Variants in LDHAL6A observed in about 807,000 individuals in gnomAD.
LDHAL6A encodes L-lactate dehydrogenase A-like 6A.
LDHAL6A carries 19 observed loss-of-function variants against 28.2 expected under a neutral mutation model. The ratio of observed to expected loss-of-function variants is 0.67; its 90% CI spans 0.47 to 0.99. The LOEUF is 0.99. Ranked by LOEUF, LDHAL6A falls within the 50% of genes least tolerant of loss-of-function variation. The pLI, the probability that LDHAL6A is intolerant of heterozygous loss-of-function variation, is 0.00. For missense variants in LDHAL6A, 372 were observed against 398.6 expected (o/e 0.93, Z 0.57); for synonymous variants, 144 against 134.4 (o/e 1.07, Z -0.49).
Position 18,456,451 on chromosome 11 carries a change from TCTC to T in LDHAL6A, c.-227_-225del. 3.9e-6 allele frequency: 2 copies of T among 509,542 alleles called. No homozygotes were observed. Among genetic ancestry groups the T allele is most frequent in the Non-Finnish European group, 7.0e-6 (2 of 287,630 alleles). 31.6% of individuals were successfully genotyped at this position (509,542 alleles called of 1,614,324 possible). On this transcript the variant is annotated 5_prime_UTR_variant, in exon 1 of 7. Transcript: ENST00000280706. ...CCTCTTAACTGTACTCACGCTTCCT[TCTC>T]CTTCCCCTGGTCCGCTTCATGGATG... is the stretch of plus-strand genomic sequence containing the variant.
intron 1 of LDHAL6A, among the ~76,000 whole-genome samples, chr11:18,462,949 T>G (rs1184217660): frequency 1.2e-5 from 1 of 82,194 alleles, no homozygotes; most frequent in African/African-American, 4.3e-5. Context: ...TTCTTGTATT[T>G]CTAGTGTTTT....
rs138519602 is a variant in LDHAL6A, at chr11:18,459,398, C to T, written c.126+2592C>T. 2.0e-5 allele frequency among the ~76,000 whole-genome samples: 3 copies of T among 152,290 alleles called. No individual in the cohort carries two copies. In the East Asian group the frequency reaches 5.8e-4, roughly 29 times the overall value. On this transcript the variant is annotated intron_variant, in intron 1 of 6. Transcript: ENST00000280706. ...CTACACCAGTGGTTTGCCAGGGACT[C>T]TCGGGCCTTTGGCTACAGACTGAAG...
chr11:18,459,342 T>TC (rs1848838132), intron 1 of LDHAL6A, among the ~76,000 whole-genome samples: 1 of 151,974 alleles, frequency 6.6e-6, no homozygotes, highest in South Asian at 2.1e-4. Flanking sequence ...AACATCAGAC[T>TC]CCAAGTTCTT....
At chr11:18,466,215 G>A (rs1198259961) in intron 3 of LDHAL6A, among the ~76,000 whole-genome samples, 2 of 152,084 alleles carry the variant, frequency 1.3e-5, no homozygotes, top group South Asian at 2.1e-4. Flanking sequence ...TTTTGGGGGT[G>A]GGTTTAGTAA....
At chr11:18,474,112 C>G (rs1374641305) in intron 3 of LDHAL6A, among the ~76,000 whole-genome samples, 1 of 152,052 alleles carries the variant, frequency 6.6e-6, no homozygotes. Flanking sequence ...CGGAGTCTTG[C>G]TCTGTCGCCC....
intron 5 of LDHAL6A, chr11:18,476,730 G>A (rs1483455725): frequency 2.3e-6 from 1 of 433,512 alleles, no homozygotes; most frequent in Middle Eastern, 1.2e-3. Flanking sequence ...CACATGGTAG[G>A]GGCTCACTTG....
intron 3 of LDHAL6A, chr11:18,475,179 G>T (rs370119402): frequency 3.9e-6 from 1 of 258,320 alleles, no homozygotes; most frequent in African/African-American, 2.2e-5. Context: ...TTATTTGAAA[G>T]ACTTGATAAG....
In LDHAL6A at chr11:18,477,734, C is replaced by T. The variant is rs762156329; in HGVS notation, c.825C>T (p.Thr275=). 1.4e-5 allele frequency: 23 copies of T among 1,603,604 alleles called. No individual in the cohort carries two copies. The highest frequency in any genetic ancestry group is 2.0e-5 in the Non-Finnish European group (23 of 1,176,414). The part of the protein sequence containing the change: ...KNLRRVHPVS[T]LSKGLYGINE... ...TTAGGAGAGTGCATCCAGTTTCTAC[C>T]CTAAGTAAGGTAGGACATTCATGTT... The change falls in exon 6 of 7, where the codon ACC becomes ACT. Residue 275 remains threonine (T), a synonymous_variant. Coordinates refer to ENST00000280706, the MANE Select transcript of LDHAL6A (RefSeq NM_144972.5).
chr11:18,459,565 G>A (rs1191696840), intron 1 of LDHAL6A, among the ~76,000 whole-genome samples: 5 of 151,980 alleles, frequency 3.3e-5, no homozygotes, highest in African/African-American at 9.7e-5. Context: ...CTTTCATATC[G>A]ACATCTATCC....
At chr11:18,465,856 C>T (rs752935219) in intron 3 of LDHAL6A, 46 bp downstream of exon 3, 10 of 1,478,250 alleles carry the variant, frequency 6.8e-6, no homozygotes, top group Admixed American at 5.2e-5. Flanking sequence ...TTCGGGGGTA[C>T]ACTGTGTAGG....
At chr11:18,469,463 A>G (rs953791251) in intron 3 of LDHAL6A, among the ~76,000 whole-genome samples, 10 of 152,354 alleles carry the variant, frequency 6.6e-5, no homozygotes, top group African/African-American at 2.4e-4. Flanking sequence ...GCAGAAGTCT[A>G]TTAAAGAATA....
In LDHAL6A at chr11:18,467,900, T is replaced by C. The variant is rs182913674; in HGVS notation, c.418+2090T>C. ...ACACACATATATATATATATATATA[T>C]ATATATATATATATATATACACACA... On this transcript the variant is annotated intron_variant, in intron 3 of 6. Transcript: ENST00000280706. 7.1e-3 allele frequency among the ~76,000 whole-genome samples: 486 copies of C among 68,930 alleles called. 41 individuals are homozygous for C. The highest frequency in any genetic ancestry group is 0.035 in the African/African-American group (428 of 12,138). The allele number at this position is 68,930 out of a possible 152,430, so 45.2% of individuals were successfully genotyped here.
In LDHAL6A at chr11:18,465,644, G is replaced by A. The variant is rs775469737; in HGVS notation, c.252G>A (p.Leu84=). 2 of 1,611,538 alleles carry A rather than the reference G, an allele frequency of 1.2e-6. No homozygotes were observed. The highest frequency in any genetic ancestry group is 2.2e-5 in the East Asian group (1 of 44,864). ...MPNIVSSKDY[L]VTANSNLVII... ...ATTCTAATCTTTCCTCAGATTACCT[G>A]GTCACTGCAAACTCCAATCTAGTGA... Residue 84 remains leucine, a synonymous_variant, in exon 3 of 7, where the codon CTG becomes CTA. Transcript: ENST00000280706.
At chr11:18,468,030 T>C (rs28769365) in intron 3 of LDHAL6A, among the ~76,000 whole-genome samples, 3 of 42,250 alleles carry the variant, frequency 7.1e-5, no homozygotes, top group Non-Finnish European at 9.0e-5. Flanking sequence ...TATACGTATA[T>C]ATATATACAT....
intron 1 of LDHAL6A, among the ~76,000 whole-genome samples, chr11:18,458,786 T>TGC (rs10669642): frequency 1.2e-3 from 74 of 62,882 alleles, no homozygotes; most frequent in African/African-American, 7.0e-3. Flanking sequence ...AGATCCACTT[T>TGC]TTCTTTTAGT....
intron 3 of LDHAL6A, among the ~76,000 whole-genome samples, chr11:18,466,261 C>T (rs1018407902): frequency 2.8e-5 from 4 of 144,540 alleles, no homozygotes; most frequent in South Asian, 2.3e-4. Flanking sequence ...AATATTAAAT[C>T]GTAAACCACC....
chr11:18,467,918 TACAC>T lies in LDHAL6A; in HGVS notation c.418+2114_418+2117del, dbSNP rs1164319622. 9.5e-4 allele frequency among the ~76,000 whole-genome samples: 47 copies of T among 49,712 alleles called. 1 individual carries two copies. The highest frequency in any genetic ancestry group is 2.4e-3 in the African/African-American group (20 of 8,464). The allele number at this position is 49,712 out of a possible 152,430, so 32.6% of individuals were successfully genotyped here. On this transcript the variant is annotated intron_variant, in intron 3 of 6. Coordinates refer to ENST00000280706, the MANE Select transcript of LDHAL6A (RefSeq NM_144972.5). ...ATATATATATATATATATATATATA[TACAC>T]ACACATATATATATACACACACATA...
intron 3 of LDHAL6A, among the ~76,000 whole-genome samples, chr11:18,474,632 T>G (rs1849328541): frequency 6.6e-6 from 1 of 151,504 alleles, no homozygotes; most frequent in South Asian, 2.1e-4. Context: ...GGTAATCCAC[T>G]GGCTTCGGCC....
In LDHAL6A at chr11:18,456,390, C is replaced by A. The variant is rs1207342150; in HGVS notation, c.-291C>A. The A allele has an allele frequency of 1.4e-5, 4 of 290,050 alleles. No homozygotes were observed. The highest frequency in any genetic ancestry group is 1.9e-5 in the Non-Finnish European group (3 of 157,534). The allele number at this position is 290,050 out of a possible 1,614,324, so 18.0% of individuals were successfully genotyped here. A position where few individuals can be genotyped will look rare whatever the true frequency, so the allele number is the denominator to read the frequency against. On this transcript the variant is annotated 5_prime_UTR_variant, in exon 1 of 7. Coordinates refer to ENST00000280706, the MANE Select transcript of LDHAL6A (RefSeq NM_144972.5). The stretch of plus-strand genomic sequence containing the variant: ...AGCTGTAGTTTCATGTTTGGTGGAG[C>A]AACCCCTGTTCCTTTCCTCTCTCTC...
Sources: allele counts gnomAD v4.1 joint callset (sites outside exome capture counted in the v4.1 genomes callset), GRCh38; gene constraint gnomAD v4.1.1; transcripts MANE v1.5; gene names NCBI Gene and HGNC (gene_info 2026-07-23, HGNC 2026-07-21).